VDAC1: variants seen among roughly 807,000 people sequenced by gnomAD.
VDAC1 encodes the protein voltage dependent anion channel 1.
VDAC1 carries 10 observed loss-of-function variants against 34.7 expected under a neutral mutation model. The observed-to-expected ratio is 0.29, with a 90% CI of 0.18 to 0.49. The LOEUF (loss-of-function observed/expected upper bound fraction) is 0.49, where lower values mean the gene tolerates loss of function less well. VDAC1 is among the 20% of genes least tolerant of loss of function. The pLI is 0.99. For missense variants in VDAC1, 230 were observed against 347.9 expected (o/e 0.66, Z 2.69); for synonymous variants, 130 against 136.0 (o/e 0.96, Z 0.30).
chr5:134,104,198 G>A, the VDAC1 span, among the ~76,000 whole-genome samples: 1 of 152,308 alleles, frequency 6.6e-6, no homozygotes, highest in East Asian at 1.9e-4. Flanking sequence ...AATGAATCAG[G>A]GATGAGCAGA....
the VDAC1 span, among the ~76,000 whole-genome samples, chr5:134,010,756 A>T: frequency 6.6e-6 from 1 of 152,218 alleles, no homozygotes; most frequent in African/African-American, 2.4e-5. Context: ...GGATATCCAC[A>T]TCCTACTCAC....
chr5:134,111,524 G>A, the VDAC1 span, among the ~76,000 whole-genome samples: 4 of 152,022 alleles, frequency 2.6e-5, no homozygotes, highest in South Asian at 2.1e-4. Flanking sequence ...AGGTGGCCTC[G>A]GGTGGGCTCA....
At chr5:134,086,924 A>C in the VDAC1 span, among the ~76,000 whole-genome samples, 1 of 152,220 alleles carries the variant, frequency 6.6e-6, no homozygotes. Flanking sequence ...GCACCATCAA[A>C]GTACACTTGA....
At chr5:133,981,213 G>C (rs1752684764) in intron 5 of VDAC1, among the ~76,000 whole-genome samples, 2 of 152,062 alleles carry the variant, frequency 1.3e-5, no homozygotes, top group African/African-American at 4.8e-5. Flanking sequence ...TAAATACGAA[G>C]TAACTTTCTT....
chr5:133,983,107 G>T (rs1326458207), intron 5 of VDAC1, among the ~76,000 whole-genome samples: 2 of 151,734 alleles, frequency 1.3e-5, no homozygotes, highest in Non-Finnish European at 2.9e-5. Flanking sequence ...AAATTAGCCG[G>T]GTGTGGTGGC....
At chr5:134,036,789 T>G in the VDAC1 span, among the ~76,000 whole-genome samples, 5 of 151,422 alleles carry the variant, frequency 3.3e-5, no homozygotes, top group Non-Finnish European at 7.4e-5. Flanking sequence ...TCATCTCTAC[T>G]AAAAATACAA....
the VDAC1 span, among the ~76,000 whole-genome samples, chr5:134,011,159 A>T: frequency 2.6e-5 from 4 of 151,936 alleles, no homozygotes; most frequent in Admixed American, 1.3e-4. Flanking sequence ...TCCTCTGCCC[A>T]CATTTTTTTC....
the VDAC1 span, among the ~76,000 whole-genome samples, chr5:134,112,263 T>G: frequency 1.3e-5 from 2 of 152,238 alleles, no homozygotes. Context: ...ATTACCTGTA[T>G]AGACTACTCT....
At chr5:133,999,132 G>A (rs1753442531) in intron 1 of VDAC1, among the ~76,000 whole-genome samples, 1 of 152,198 alleles carries the variant, frequency 6.6e-6, no homozygotes, top group African/African-American at 2.4e-5. Flanking sequence ...GCAATACAGT[G>A]AGACCCTGTC....
At chr5:134,033,732 C>T in the VDAC1 span, among the ~76,000 whole-genome samples, 12 of 151,296 alleles carry the variant, frequency 7.9e-5, no homozygotes, top group Admixed American at 5.2e-4. Flanking sequence ...ATGGCTCACG[C>T]CTGTAATCCC....
At chr5:134,104,801 G>A in the VDAC1 span, among the ~76,000 whole-genome samples, 1 of 152,204 alleles carries the variant, frequency 6.6e-6, no homozygotes, top group African/African-American at 2.4e-5. Context: ...GAAAACCACA[G>A]GGGCCCACCA....
chr5:134,102,112 G>C, the VDAC1 span, among the ~76,000 whole-genome samples: 2 of 152,046 alleles, frequency 1.3e-5, no homozygotes, highest in Non-Finnish European at 2.9e-5. Context: ...CATCACCCTG[G>C]TTACTTCCCA....
chr5:133,979,520 C>T (rs1296328516), intron 6 of VDAC1, among the ~76,000 whole-genome samples: 2 of 143,696 alleles, frequency 1.4e-5, no homozygotes, highest in African/African-American at 5.1e-5. Flanking sequence ...AACTCCACCT[C>T]CCAGGTTCAA....
the VDAC1 span, among the ~76,000 whole-genome samples, chr5:134,078,685 T>C: frequency 1.4e-5 from 2 of 146,878 alleles, no homozygotes; most frequent in Non-Finnish European, 3.0e-5. Flanking sequence ...AGTTTTGCTC[T>C]TGTCGCCCAG....
At chr5:133,995,087 C>T (rs1383776739) in intron 1 of VDAC1, among the ~76,000 whole-genome samples, 1 of 152,186 alleles carries the variant, frequency 6.6e-6, no homozygotes, top group African/African-American at 2.4e-5. Context: ...CCAACAAGCA[C>T]AGCCACCTGT....
upstream of VDAC1, among the ~76,000 whole-genome samples, chr5:134,006,875 A>G (rs1753764776): frequency 6.6e-6 from 1 of 151,940 alleles, no homozygotes. Flanking sequence ...TGGCTGCGTG[A>G]CCCAGGCAAG....
chr5:134,000,594 C>A (rs747238434), intron 1 of VDAC1, among the ~76,000 whole-genome samples: 11 of 152,114 alleles, frequency 7.2e-5, no homozygotes, highest in Admixed American at 2.0e-4. Flanking sequence ...CAGGAAGCCT[C>A]GGGAATCAAA....
intron 2 of VDAC1, 90 bp downstream of exon 2, chr5:133,992,856 A>T: frequency 7.8e-7 from 1 of 1,281,516 alleles, no homozygotes; most frequent in Non-Finnish European, 1.1e-6. Context: ...CAGCTGACCT[A>T]CCCAGGTCTC....
the VDAC1 span, among the ~76,000 whole-genome samples, chr5:134,024,089 G>A: frequency 2.6e-5 from 4 of 152,068 alleles, no homozygotes; most frequent in South Asian, 2.1e-4. Context: ...GTTGCAGTGA[G>A]CTGAGATCAT....
Sources: allele counts gnomAD v4.1 joint callset (sites outside exome capture counted in the v4.1 genomes callset), GRCh38; gene constraint gnomAD v4.1.1; transcripts MANE v1.5; gene names NCBI Gene and HGNC (gene_info 2026-07-23, HGNC 2026-07-21).